The following LARS2 variants were observed in gnomAD, a reference collection of about 807,000 sequenced individuals.
The protein encoded by LARS2 is leucine--tRNA ligase, mitochondrial.
Under a neutral mutation model 116.6 loss-of-function variants are expected in LARS2, and 81 were observed. The observed-to-expected ratio is 0.69, with a 90% CI of 0.58 to 0.84. The LOEUF is 0.84. LARS2 is among the 40% of genes least tolerant of loss of function. The probability of loss-of-function intolerance (pLI) is 0.00; values close to 1 mark genes in which losing one functional copy is unlikely to be tolerated. For synonymous variants in LARS2, 396 were observed against 407.2 expected (o/e 0.97, Z 0.33); for missense variants, 968 against 1,114.5 (o/e 0.87, Z 1.87).
At chr3:45,499,701 T>C (rs1700087579) in intron 14 of LARS2, among the ~76,000 whole-genome samples, 1 of 152,200 alleles carries the variant, frequency 6.6e-6, no homozygotes, top group Non-Finnish European at 1.5e-5. Flanking sequence ...TAATCTTCAT[T>C]GTAAATACCA....
intron 21 of LARS2, among the ~76,000 whole-genome samples, chr3:45,543,175 C>T (rs1173850768): frequency 6.6e-6 from 1 of 152,234 alleles, no homozygotes; most frequent in Non-Finnish European, 1.5e-5. Context: ...TGAGGGTGCC[C>T]TGGCAGGCTT....
chr3:45,512,909 T>TG (rs1559493375), intron 15 of LARS2, among the ~76,000 whole-genome samples: 1 of 152,320 alleles, frequency 6.6e-6, no homozygotes, highest in South Asian at 2.1e-4. Context: ...CCCAGTACTT[T>TG]GGGGGGCCGA....
At chr3:45,513,866 TGTATCAC>T (rs2125751329) in intron 16 of LARS2, among the ~76,000 whole-genome samples, 1 of 152,300 alleles carries the variant, frequency 6.6e-6, no homozygotes, top group Admixed American at 6.5e-5. Flanking sequence ...ATGGTGAGGA[TGTATCAC>T]GTGCACCCAG....
intron 4 of LARS2, among the ~76,000 whole-genome samples, chr3:45,415,101 G>A (rs1022755977): frequency 6.6e-6 from 1 of 152,210 alleles, no homozygotes; most frequent in Non-Finnish European, 1.5e-5. Flanking sequence ...GCTGTGACTG[G>A]CCACTCATTT....
chr3:45,547,422 A>C lies in LARS2; in HGVS notation c.2604A>C (p.Glu868Asp), dbSNP rs771687236. 1 of 1,613,762 alleles carries C rather than the reference A, an allele frequency of 6.2e-7. No homozygotes were observed. Among genetic ancestry groups the C allele is most frequent in the African/African-American group, 1.3e-5 (1 of 74,874 alleles). The change falls in exon 22 of 22, where the codon GAA becomes GAC. Residue 868 changes from glutamate (E) to aspartate (D), a missense_variant. By Grantham distance (45) the Glu-to-Asp change is conservative (BLOSUM62 2). Transcript: ENST00000645846. ...QVARDQDKVH[E>D]FVLQSELGVR... ...CCCGGGACCAGGACAAAGTCCACGA[A>C]TTTGTTCTTCAAAGCGAGCTGGGTG...
chr3:45,396,540 T>C (rs1698050584), intron 3 of LARS2, among the ~76,000 whole-genome samples: 1 of 152,224 alleles, frequency 6.6e-6, no homozygotes, highest in Non-Finnish European at 1.5e-5. Context: ...TTTGAAGCAT[T>C]TATAATCGAT....
intron 7 of LARS2, among the ~76,000 whole-genome samples, chr3:45,452,098 G>C (rs1699139377): frequency 6.6e-6 from 1 of 152,012 alleles, no homozygotes. Flanking sequence ...GGAACCTTTA[G>C]GTTTTTCTAA....
At chr3:45,467,355 C>G (rs1212640906) in intron 8 of LARS2, among the ~76,000 whole-genome samples, 1 of 152,182 alleles carries the variant, frequency 6.6e-6, no homozygotes, top group Non-Finnish European at 1.5e-5. Flanking sequence ...TTCCACTTCT[C>G]TGTGTATTTG....
chr3:45,431,555 T>G (rs1222266551), intron 6 of LARS2, among the ~76,000 whole-genome samples: 1 of 152,168 alleles, frequency 6.6e-6, no homozygotes, highest in Admixed American at 6.5e-5. Flanking sequence ...ATAGAGGCAG[T>G]TCATGTATGT....
intron 19 of LARS2, among the ~76,000 whole-genome samples, chr3:45,522,091 C>T (rs75001882): frequency 0.035 from 5,246 of 152,030 alleles, 100 homozygotes; most frequent in Middle Eastern, 0.068. Flanking sequence ...GGTGACAAAG[C>T]GAGACTCTCT....
intron 15 of LARS2, among the ~76,000 whole-genome samples, chr3:45,507,982 AAG>A (rs1409316119): frequency 2.6e-5 from 4 of 151,990 alleles, no homozygotes; most frequent in South Asian, 4.2e-4. Context: ...ACCAGGTTGA[AAG>A]AGAGGGGGCA....
chr3:45,545,157 G>A (rs1378111260), intron 21 of LARS2, among the ~76,000 whole-genome samples: 2 of 152,220 alleles, frequency 1.3e-5, no homozygotes, highest in African/African-American at 2.4e-5. Context: ...TTCATGCATC[G>A]ACTCACAGGT....
chr3:45,485,014 T>C (rs1172608527), intron 10 of LARS2, among the ~76,000 whole-genome samples: 1 of 152,134 alleles, frequency 6.6e-6, no homozygotes, highest in African/African-American at 2.4e-5. Context: ...CACTGTGTAC[T>C]GCTCAGATCT....
intron 20 of LARS2, among the ~76,000 whole-genome samples, chr3:45,532,803 G>A (rs983831101): frequency 2.0e-5 from 3 of 151,838 alleles, no homozygotes; most frequent in Admixed American, 6.6e-5. Context: ...CACCATGCCC[G>A]GCTAATTTTT....
chr3:45,490,010 A>G (rs2125731262), intron 12 of LARS2, among the ~76,000 whole-genome samples: 1 of 152,326 alleles, frequency 6.6e-6, no homozygotes, highest in South Asian at 2.1e-4. Flanking sequence ...GTTTGTGACT[A>G]TCTGGCTATA....
chr3:45,528,223 G>A (rs1700560654), intron 20 of LARS2, among the ~76,000 whole-genome samples: 2 of 152,134 alleles, frequency 1.3e-5, no homozygotes, highest in Admixed American at 1.3e-4. Context: ...TGTAGGCTCA[G>A]CTACTCGGGA....
intron 4 of LARS2, among the ~76,000 whole-genome samples, chr3:45,402,394 C>T (rs779800059): frequency 8.5e-5 from 13 of 152,170 alleles, no homozygotes; most frequent in Admixed American, 2.6e-4. Flanking sequence ...GGAGTATTTA[C>T]GTCATGGTAA....
chr3:45,419,878 G>A (rs1251681161), intron 6 of LARS2, 149 bp downstream of exon 6: 3 of 641,356 alleles, frequency 4.7e-6, no homozygotes, highest in Non-Finnish European at 8.4e-6. Context: ...AAAGTATCCT[G>A]AGTGGATAAT....
At chr3:45,541,456 T>C (rs889133714) in intron 20 of LARS2, 5 of 188,590 alleles carry the variant, frequency 2.7e-5, no homozygotes, top group Admixed American at 1.8e-4. Context: ...ATAGGCAAGA[T>C]AGGTAGCGAA....
Sources: allele counts gnomAD v4.1 joint callset (sites outside exome capture counted in the v4.1 genomes callset), GRCh38; gene constraint gnomAD v4.1.1; transcripts MANE v1.5; gene names NCBI Gene and HGNC (gene_info 2026-07-23, HGNC 2026-07-21).